PDE4D: variants seen among roughly 807,000 people sequenced by gnomAD.
PDE4D encodes 3',5'-cyclic-AMP phosphodiesterase 4D.
A neutral mutation model predicts 87.4 loss-of-function variants in PDE4D; 24 were observed. That is an observed-to-expected ratio of 0.27 (90% CI 0.20 to 0.39). The LOEUF (loss-of-function observed/expected upper bound fraction) is 0.39. Among genes scored for constraint, PDE4D ranks in the 10% least tolerant of loss-of-function variants. The probability of loss-of-function intolerance (pLI) is 1.00; values close to 1 mark genes in which losing one functional copy is unlikely to be tolerated. For synonymous variants in PDE4D, 384 were observed against 383.2 expected (o/e 1.00, Z -0.02); for missense variants, 714 against 1,041.0 (o/e 0.69, Z 4.32).
At chr5:60,443,493 C>T (rs1415316463) in intron 1 of PDE4D, among the ~76,000 whole-genome samples, 1 of 152,060 alleles carries the variant, frequency 6.6e-6, no homozygotes, top group African/African-American at 2.4e-5. Flanking sequence ...TGAGGAGGTT[C>T]TTTTTCCCCA....
intron 1 of PDE4D, among the ~76,000 whole-genome samples, chr5:60,230,490 A>C (rs991192851): frequency 2.0e-5 from 3 of 152,014 alleles, no homozygotes; most frequent in Admixed American, 6.6e-5. Flanking sequence ...ATTATTCTAG[A>C]TTCTCTCTCT....
chr5:60,320,311 A>G (rs1756120982), intron 1 of PDE4D, among the ~76,000 whole-genome samples: 2 of 152,170 alleles, frequency 1.3e-5, no homozygotes, highest in South Asian at 4.1e-4. Context: ...CTGGTGTGCC[A>G]TTTGCTAAGA....
intron 1 of PDE4D, among the ~76,000 whole-genome samples, chr5:59,403,030 T>C (rs964678373): frequency 1.3e-5 from 2 of 152,196 alleles, no homozygotes; most frequent in African/African-American, 4.8e-5. Flanking sequence ...TCTGGAGTTA[T>C]ATATTACCTT....
chr5:59,039,293 C>T (rs1368036446), intron 5 of PDE4D: 2 of 1,069,852 alleles, frequency 1.9e-6, no homozygotes, highest in Non-Finnish European at 2.3e-6. Flanking sequence ...TTCAACTGTG[C>T]GGCGGGCCCG....
intron 5 of PDE4D, among the ~76,000 whole-genome samples, chr5:59,123,791 G>T (rs1215580169): frequency 6.6e-6 from 1 of 152,196 alleles, no homozygotes; most frequent in Non-Finnish European, 1.5e-5. Context: ...TACTGAGGCA[G>T]CATAGCATAA....
chr5:59,465,676 A>G (rs141658925), intron 1 of PDE4D, among the ~76,000 whole-genome samples: 46 of 152,324 alleles, frequency 3.0e-4, no homozygotes, highest in African/African-American at 1.1e-3. Flanking sequence ...GGGGCAATGA[A>G]TGTTTCAATC....
chr5:59,867,950 T>A (rs1747281068), intron 1 of PDE4D, among the ~76,000 whole-genome samples: 1 of 152,198 alleles, frequency 6.6e-6, no homozygotes, highest in Non-Finnish European at 1.5e-5. Flanking sequence ...AAGAGGGGTT[T>A]ACTGGTCATG....
At chr5:60,150,591 T>A (rs532368307) in intron 2 of PDE4D, among the ~76,000 whole-genome samples, 2 of 152,162 alleles carry the variant, frequency 1.3e-5, no homozygotes, top group Non-Finnish European at 2.9e-5. Context: ...TACTTTCGCA[T>A]GGTAAATAGC....
At chr5:60,106,697 A>T (rs1004859460) in intron 2 of PDE4D, among the ~76,000 whole-genome samples, 2 of 152,238 alleles carry the variant, frequency 1.3e-5, no homozygotes, top group African/African-American at 4.8e-5. Flanking sequence ...ACTCAGGATT[A>T]AGAAACTCAT....
chr5:59,372,163 C>T (rs2153598884), intron 1 of PDE4D, among the ~76,000 whole-genome samples: 1 of 152,294 alleles, frequency 6.6e-6, no homozygotes, highest in Middle Eastern at 3.4e-3. Context: ...TAAGCCAAGT[C>T]ATCCATTTCT....
chr5:60,027,131 T>C (rs1455428512), intron 2 of PDE4D, among the ~76,000 whole-genome samples: 1 of 152,164 alleles, frequency 6.6e-6, no homozygotes, highest in African/African-American at 2.4e-5. Flanking sequence ...CATGGATATG[T>C]TGCATGATGT....
intron 1 of PDE4D, among the ~76,000 whole-genome samples, chr5:60,477,031 G>A (rs1481991126): frequency 2.6e-5 from 4 of 152,134 alleles, no homozygotes; most frequent in South Asian, 2.1e-4. Context: ...ATGTGTGACT[G>A]GGCAAAGTGG....
intron 2 of PDE4D, among the ~76,000 whole-genome samples, chr5:60,034,738 T>C (rs1178583843): frequency 6.6e-6 from 1 of 152,228 alleles, no homozygotes; most frequent in Non-Finnish European, 1.5e-5. Context: ...CGCATGTTAT[T>C]CGTTACACTA....
chr5:59,358,084 A>C (rs1781666315), intron 1 of PDE4D, among the ~76,000 whole-genome samples: 2 of 152,224 alleles, frequency 1.3e-5, no homozygotes, highest in Admixed American at 6.5e-5. Context: ...GGAGTCTTGA[A>C]TATTCATATA....
intron 1 of PDE4D, among the ~76,000 whole-genome samples, chr5:59,470,873 T>TA (rs1207301409): frequency 7.2e-5 from 11 of 152,022 alleles, no homozygotes; most frequent in East Asian, 1.9e-4. Flanking sequence ...AAATATAACT[T>TA]AAAAAAAATC....
At chr5:60,204,141 T>C (rs1742232346) in intron 1 of PDE4D, among the ~76,000 whole-genome samples, 1 of 152,204 alleles carries the variant, frequency 6.6e-6, no homozygotes, top group Admixed American at 6.5e-5. Flanking sequence ...AGGTGCTGTC[T>C]CACCTCTCAC....
intron 2 of PDE4D, among the ~76,000 whole-genome samples, chr5:59,205,156 A>C (rs1399549808): frequency 6.6e-6 from 1 of 152,196 alleles, no homozygotes; most frequent in Non-Finnish European, 1.5e-5. Context: ...CAGAATGCTC[A>C]GTGGTCCTTG....
rs527809624 is a variant in PDE4D at position 60,155,869 on chromosome 5, A to G, written c.42+29688T>C. On this transcript the variant is annotated intron_variant, in intron 2 of 16. Coordinates refer to the PDE4D transcript ENST00000502484. ...GTTCACATAGCTTTTCATTAAATGA[A>G]TCAAATTAATGGAAAGCCTTGTTAT... Among the ~76,000 whole-genome samples, 91 of 152,352 alleles carry G rather than the reference A, an allele frequency of 6.0e-4. 1 individual carries two copies. The highest frequency in any genetic ancestry group is 3.4e-3 in the Middle Eastern group (1 of 294).
intron 3 of PDE4D, among the ~76,000 whole-genome samples, chr5:59,982,997 G>C (rs1181433490): frequency 6.6e-6 from 1 of 152,148 alleles, no homozygotes; most frequent in African/African-American, 2.4e-5. Flanking sequence ...CCATGAAGTA[G>C]GTGCTCGCAT....
Sources: gnomAD v4.1 joint callset for allele counts (sites outside exome capture counted in the v4.1 genomes callset) on GRCh38, gnomAD v4.1.1 for gene constraint, MANE v1.5 for transcripts, NCBI Gene and HGNC (gene_info 2026-07-23, HGNC 2026-07-21) for gene names.